KCNMA1: variants seen among roughly 807,000 people sequenced by gnomAD.
The protein encoded by KCNMA1 is Calcium-activated potassium channel subunit alpha-1.
A neutral mutation model predicts 140.0 loss-of-function variants in KCNMA1; 29 were observed. That is an observed-to-expected ratio of 0.21 (90% CI 0.15 to 0.28). The LOEUF is 0.28. KCNMA1 is among the 10% of genes least tolerant of loss of function. The probability of loss-of-function intolerance (pLI) is 1.00; values close to 1 mark genes in which losing one functional copy is unlikely to be tolerated. For synonymous variants in KCNMA1, 612 were observed against 611.9 expected (o/e 1.00, Z 0.00); for missense variants, 880 against 1,602.2 (o/e 0.55, Z 7.70).
In KCNMA1 at chr10:76,970,052, G is replaced by C; in HGVS notation, c.2282C>G (p.Pro761Arg). The C allele has an allele frequency of 6.2e-7, 1 of 1,613,614 alleles. No individual in the cohort carries two copies. Among genetic ancestry groups the C allele is most frequent in the Non-Finnish European group, 8.5e-7 (1 of 1,179,744 alleles). The change falls in exon 20 of 28, where the codon CCG becomes CGG. Residue 761 changes from proline (P) to arginine (R), a missense_variant. Around this residue, in one of 13 missense-constraint regions of KCNMA1, gnomAD observed 196 missense variants for 233.0 expected, o/e 0.84. Coordinates refer to ENST00000286628, the MANE Select transcript of KCNMA1 (RefSeq NM_001161352.2). ...TSFRAFEDEQ[P>R]STLSPKKKQR... Reference sequence around the variant, plus strand: ...CTTTTTTTTTGGTGATAGTGTTGACGGCTGCTCATCTTCAACTGGAAATAC... The same window carrying C: ...CTTTTTTTTTGGTGATAGTGTTGACCGCTGCTCATCTTCAACTGGAAATAC...
chr10:77,164,383 G>A (rs1026918183), intron 5 of KCNMA1, among the ~76,000 whole-genome samples: 3 of 152,174 alleles, frequency 2.0e-5, no homozygotes, highest in Non-Finnish European at 4.4e-5. Context: ...CCATAAATTA[G>A]AGCTAAGAAT....
At chr10:77,239,238 G>A (rs1024150393) in intron 3 of KCNMA1, among the ~76,000 whole-genome samples, 3 of 152,226 alleles carry the variant, frequency 2.0e-5, no homozygotes, top group Non-Finnish European at 4.4e-5. Context: ...TAGAGGAAAA[G>A]CACATGCTAG....
Position 77,477,892 on chromosome 10 carries a change from T to C in KCNMA1, c.379-73869A>G, listed in dbSNP as rs2098311379. The stretch of plus-strand genomic sequence containing the variant: ...TTCAGACCCGGTTAAATGTGCTAGG[T>C]GGTCTCAGTCATGTTCTTTATAAAC... On this transcript the variant is annotated intron_variant, in intron 1 of 27. Transcript: ENST00000286628. Among the ~76,000 whole-genome samples, 4 of 152,318 alleles carry C rather than the reference T, an allele frequency of 2.6e-5. No individual in the cohort carries two copies. The South Asian group carries it at 8.3e-4, about 32-fold the overall frequency.
At chr10:76,928,175 A>G (rs1019414915) in intron 23 of KCNMA1, among the ~76,000 whole-genome samples, 1 of 152,072 alleles carries the variant, frequency 6.6e-6, no homozygotes, top group African/African-American at 2.4e-5. Flanking sequence ...TCCTTGAAAC[A>G]GAAGAAAGGA....
intron 1 of KCNMA1, among the ~76,000 whole-genome samples, chr10:77,536,980 T>C (rs1368199952): frequency 2.0e-5 from 3 of 152,246 alleles, no homozygotes; most frequent in Non-Finnish European, 2.9e-5. Context: ...TTGCAGGACC[T>C]TGTATGGTGT....
intron 1 of KCNMA1, among the ~76,000 whole-genome samples, chr10:77,631,875 A>G (rs1014078726): frequency 6.6e-6 from 1 of 152,202 alleles, no homozygotes; most frequent in Non-Finnish European, 1.5e-5. Context: ...GGCTAGCCCA[A>G]GGCTCCCAAA....
chr10:76,993,276 A>G (rs1045958049), intron 19 of KCNMA1, among the ~76,000 whole-genome samples: 58 of 152,226 alleles, frequency 3.8e-4, no homozygotes, highest in African/African-American at 1.1e-3. Flanking sequence ...GGAAAAGGAA[A>G]CAGAAGCAGT....
intron 23 of KCNMA1, among the ~76,000 whole-genome samples, chr10:76,933,996 G>A (rs1304752136): frequency 6.6e-6 from 1 of 151,476 alleles, no homozygotes; most frequent in African/African-American, 2.4e-5. Context: ...TTTTTGAGAT[G>A]GGATCTCACT....
At chr10:77,370,449 G>T (rs1193017176) in intron 2 of KCNMA1, among the ~76,000 whole-genome samples, 1 of 152,082 alleles carries the variant, frequency 6.6e-6, no homozygotes, top group Admixed American at 6.6e-5. Flanking sequence ...TTTTCTTGCA[G>T]GGCTGTCAAG....
At chr10:77,107,954 T>C (rs1373672262) in intron 9 of KCNMA1, among the ~76,000 whole-genome samples, 2 of 152,178 alleles carry the variant, frequency 1.3e-5, no homozygotes, top group South Asian at 2.1e-4. Flanking sequence ...TCATACTAGT[T>C]TGAGGGACCA....
At chr10:76,998,885 A>G (rs2085248845) in intron 19 of KCNMA1, among the ~76,000 whole-genome samples, 1 of 152,220 alleles carries the variant, frequency 6.6e-6, no homozygotes, top group South Asian at 2.1e-4. Flanking sequence ...GGATTTTTCT[A>G]ACTTATTATT....
At chr10:77,269,074 G>A (rs2064258148) in intron 2 of KCNMA1, among the ~76,000 whole-genome samples, 1 of 152,158 alleles carries the variant, frequency 6.6e-6, no homozygotes, top group African/African-American at 2.4e-5. Context: ...CCCCAGTTCT[G>A]GCTCAAGGAG....
chr10:77,159,656 C>T (rs2098532749), intron 5 of KCNMA1, among the ~76,000 whole-genome samples: 1 of 152,106 alleles, frequency 6.6e-6, no homozygotes, highest in Non-Finnish European at 1.5e-5. Context: ...CTCAGTTTGA[C>T]CTGCCTATTC....
chr10:76,955,197 CTTTT>C (rs60670000), intron 20 of KCNMA1, among the ~76,000 whole-genome samples: 1 of 141,162 alleles, frequency 7.1e-6, no homozygotes. Context: ...TTTCTTTTTT[CTTTT>C]TTTTTTTTTT....
chr10:76,996,186 G>A (rs958223455), intron 19 of KCNMA1, among the ~76,000 whole-genome samples: 1 of 152,194 alleles, frequency 6.6e-6, no homozygotes, highest in Non-Finnish European at 1.5e-5. Flanking sequence ...CTTGACAGAT[G>A]AGCGATGTAA....
chr10:77,068,704 G>GTGTC (rs1162001262), intron 14 of KCNMA1, among the ~76,000 whole-genome samples: 1 of 141,972 alleles, frequency 7.0e-6, no homozygotes, highest in Non-Finnish European at 1.5e-5. Flanking sequence ...GGTTTTGTGT[G>GTGTC]TGTGTGTGTG....
chr10:77,290,546 T>C (rs530132747), intron 2 of KCNMA1, among the ~76,000 whole-genome samples: 2 of 152,300 alleles, frequency 1.3e-5, no homozygotes, highest in South Asian at 4.1e-4. Flanking sequence ...TTCAAGCACT[T>C]TAATCCCATT....
chr10:77,202,628 A>G (rs2042823122), intron 3 of KCNMA1, among the ~76,000 whole-genome samples: 1 of 151,610 alleles, frequency 6.6e-6, no homozygotes, highest in Admixed American at 6.6e-5. Context: ...AGAGCTACTT[A>G]GATTTTAAGA....
intron 6 of KCNMA1, among the ~76,000 whole-genome samples, chr10:77,114,844 T>C (rs935192241): frequency 1.3e-5 from 2 of 152,242 alleles, no homozygotes; most frequent in African/African-American, 2.4e-5. Flanking sequence ...TCTTGCATTT[T>C]CCCAGTAGTG....
Sources: gnomAD v4.1 joint callset for allele counts (sites outside exome capture counted in the v4.1 genomes callset) on GRCh38, gnomAD v4.1.1 for gene constraint, gnomAD v4.1.1 regional missense constraint, MANE v1.5 for transcripts, NCBI Gene and HGNC (gene_info 2026-07-23, HGNC 2026-07-21) for gene names.